MYLK4: variants seen among roughly 807,000 people sequenced by gnomAD.
The protein encoded by MYLK4 is myosin light chain kinase family member 4, also known as caMLCK like.
In MYLK4, 46 loss-of-function variants were observed where a neutral mutation model predicts 48.1. That is an observed-to-expected ratio of 0.96 (90% CI 0.75 to 1.22). The LOEUF is 1.22. MYLK4 is among the 50% of genes most tolerant of loss of function. The pLI is 0.00. For missense variants in MYLK4, 451 were observed against 486.1 expected, an observed-to-expected ratio of 0.93 and a Z score of 0.68; for synonymous variants, 170 against 180.8, an observed-to-expected ratio of 0.94 and a Z score of 0.48.
In MYLK4 at chr6:2,739,963, G is replaced by A. The variant is rs143727923; in HGVS notation, c.159+9173C>T. On this transcript the variant is annotated intron_variant, in intron 2 of 12. Transcript: ENST00000274643. ...CTTAAAGAACTCCACTGGGAGGGCA[G>A]GGCCAGGACTGGAAGCTGCATCTCC... 2.6e-5 allele frequency among the ~76,000 whole-genome samples: 4 copies of A among 152,336 alleles called. No individual in the cohort carries two copies. The East Asian group carries it at 7.7e-4, about 29-fold the overall frequency.
chr6:2,768,830 G>T, the MYLK4 span: 1 of 1,613,564 alleles, frequency 6.2e-7, no homozygotes, highest in Non-Finnish European at 8.5e-7. Flanking sequence ...TTTTTCAAAA[G>T]GAAAACCATC....
the MYLK4 span, among the ~76,000 whole-genome samples, chr6:2,769,299 C>T: frequency 6.6e-6 from 1 of 151,840 alleles, no homozygotes. Context: ...TAACTCCAGG[C>T]TCTGTCTTCA....
chr6:2,690,025 C>T (rs1032672897), intron 3 of MYLK4, among the ~76,000 whole-genome samples: 2 of 152,112 alleles, frequency 1.3e-5, no homozygotes, highest in African/African-American at 4.8e-5. Context: ...AATACACAAG[C>T]GGCATCGAAA....
At chr6:2,763,263 G>A in the MYLK4 span, among the ~76,000 whole-genome samples, 9 of 152,274 alleles carry the variant, frequency 5.9e-5, no homozygotes, top group Non-Finnish European at 1.0e-4. Flanking sequence ...CAGAAACCCA[G>A]TTGGCTTCTC....
chr6:2,715,148 C>T (rs148159009), intron 2 of MYLK4, among the ~76,000 whole-genome samples: 120 of 151,950 alleles, frequency 7.9e-4, no homozygotes, highest in African/African-American at 2.8e-3. Context: ...CCTGTGATCC[C>T]AGCTACTCAG....
chr6:2,752,607 G>A (rs1764324237), upstream of MYLK4, among the ~76,000 whole-genome samples: 1 of 152,150 alleles, frequency 6.6e-6, no homozygotes, highest in African/African-American at 2.4e-5. Flanking sequence ...TGGAGGGAAA[G>A]GTCAGGCATG....
At chr6:2,763,707 G>A in the MYLK4 span, among the ~76,000 whole-genome samples, 2 of 152,254 alleles carry the variant, frequency 1.3e-5, no homozygotes, top group African/African-American at 2.4e-5. Context: ...GCCCAGGAAA[G>A]AGCTCCCATA....
At chr6:2,675,605 T>C (rs11756522) in intron 10 of MYLK4, among the ~76,000 whole-genome samples, 29,812 of 152,070 alleles carry the variant, frequency 0.2, 3,339 homozygotes, top group Middle Eastern at 0.35. Context: ...ATAGAGTCGA[T>C]GTAATTATTA....
At chr6:2,670,964 C>T (rs1760865511) in intron 12 of MYLK4, among the ~76,000 whole-genome samples, 1 of 152,028 alleles carries the variant, frequency 6.6e-6, no homozygotes, top group Non-Finnish European at 1.5e-5. Context: ...ACCAGCACCC[C>T]CTGGGCTGGT....
At chr6:2,754,414 A>G (rs1764374120), upstream of MYLK4, among the ~76,000 whole-genome samples, 1 of 152,216 alleles carries the variant, frequency 6.6e-6, no homozygotes, top group Non-Finnish European at 1.5e-5. Context: ...ATTGAAAAAA[A>G]AAAGCCAGAA....
chr6:2,684,419 A>C (rs768663708), intron 6 of MYLK4, among the ~76,000 whole-genome samples: 1 of 152,188 alleles, frequency 6.6e-6, no homozygotes, highest in Non-Finnish European at 1.5e-5. Flanking sequence ...GACCATGGAA[A>C]GTGAAAGTGT....
At position 2,670,930 on chromosome 6, in the gene MYLK4, C is replaced by T. The variant is rs112817671; in HGVS notation, c.*25+346G>A. ...CACTTCCTCTGATCTCACACATTGT[C>T]GTAAGGACTACCCCTAGACGGTTAC... On this transcript the variant is annotated intron_variant, in intron 12 of 12. Coordinates refer to ENST00000274643, the MANE Select transcript of MYLK4 (RefSeq NM_001012418.5). Among the ~76,000 whole-genome samples the T allele has an allele frequency of 1.5e-4, 23 of 152,128 alleles. 1 individual carries two copies. The highest frequency in any genetic ancestry group is 4.8e-4 in the African/African-American group (20 of 41,480).
chr6:2,678,406 T>C (rs768985778), intron 9 of MYLK4, 34 bp from the exon 10 acceptor site: 1 of 1,609,452 alleles, frequency 6.2e-7, no homozygotes, highest in Admixed American at 1.7e-5. Flanking sequence ...GAGTATTTTT[T>C]AAACAGCCTC....
the MYLK4 span, among the ~76,000 whole-genome samples, chr6:2,762,965 C>G: frequency 6.6e-6 from 1 of 151,986 alleles, no homozygotes; most frequent in African/African-American, 2.4e-5. Context: ...CCAGCTAATG[C>G]AAAAAATAAA....
At chr6:2,746,700 A>G (rs532097614) in intron 2 of MYLK4, among the ~76,000 whole-genome samples, 1 of 152,202 alleles carries the variant, frequency 6.6e-6, no homozygotes, top group Non-Finnish European at 1.5e-5. Flanking sequence ...CAAAGAGAGA[A>G]GGGATGAGAG....
chr6:2,716,176 A>G (rs756235119), intron 2 of MYLK4, among the ~76,000 whole-genome samples: 10 of 152,232 alleles, frequency 6.6e-5, no homozygotes, highest in Non-Finnish European at 1.5e-4. Context: ...TCATCACCAA[A>G]GGATTTGAGG....
chr6:2,688,053 CTTTTCTT>C (rs1475534721), intron 4 of MYLK4, among the ~76,000 whole-genome samples: 1 of 151,508 alleles, frequency 6.6e-6, no homozygotes, highest in Non-Finnish European at 1.5e-5. Flanking sequence ...GGTTTTTTTT[CTTTTCTT>C]TTTTTTTCTT....
chr6:2,684,187 C>T (rs542320909), intron 6 of MYLK4, among the ~76,000 whole-genome samples: 8 of 152,216 alleles, frequency 5.3e-5, no homozygotes, highest in African/African-American at 9.6e-5. Flanking sequence ...ACAAGCATGG[C>T]GATGCCTCCA....
rs563674644 is a variant in MYLK4, at chr6:2,678,361, A to G, written c.899T>C (p.Leu300Ser). Residue 300 changes from leucine to serine, a missense_variant, in exon 10 of 13, where the codon TTG (leucine) becomes TCG (serine). Coordinates refer to ENST00000274643, the MANE Select transcript of MYLK4 (RefSeq NM_001012418.5). ...GVIAYMLLSG[L>S]SPFLGDNDAE... ...ATCATTGTCACCCAGGAAAGGCGAC[A>G]AACCGCTAAGTCTGGAGGACACGGG... The G allele has an allele frequency of 3.6e-5, 58 of 1,613,712 alleles. 1 individual carries two copies. In the South Asian group the frequency reaches 5.8e-4, roughly 16 times the overall value.
Sources: allele counts gnomAD v4.1 joint callset (sites outside exome capture counted in the v4.1 genomes callset), GRCh38; gene constraint gnomAD v4.1.1; transcripts MANE v1.5; gene names NCBI Gene and HGNC (gene_info 2026-07-23, HGNC 2026-07-21).